Variants in PIK3CB observed in about 807,000 individuals in gnomAD.
The protein encoded by PIK3CB is phosphatidylinositol 4,5-bisphosphate 3-kinase catalytic subunit beta isoform.
Under a neutral mutation model 136.8 loss-of-function variants are expected in PIK3CB, and 39 were observed. That is an observed-to-expected ratio of 0.29 (90% confidence interval 0.22 to 0.37). The LOEUF (loss-of-function observed/expected upper bound fraction) is 0.37. Among genes scored for constraint, PIK3CB ranks in the 10% least tolerant of loss-of-function variants. The pLI is 1.00. For missense variants in PIK3CB, 868 were observed against 1,275.4 expected (o/e 0.68, Z 4.87); for synonymous variants, 428 against 436.6 (o/e 0.98, Z 0.25).
chr3:138,780,274 T>G (rs572513613), intron 2 of PIK3CB, among the ~76,000 whole-genome samples: 31 of 151,162 alleles, frequency 2.1e-4, no homozygotes, highest in Middle Eastern at 3.5e-3. Context: ...TGTTTTTTTG[T>G]TTTTTTTGTT....
intron 2 of PIK3CB, among the ~76,000 whole-genome samples, chr3:138,794,610 A>C (rs2046088562): frequency 6.6e-6 from 1 of 152,162 alleles, no homozygotes; most frequent in South Asian, 2.1e-4. Flanking sequence ...TTATATACTG[A>C]ATACATATTT....
Position 138,653,076 on chromosome 3 carries a change from C to T in PIK3CB, c.*2313G>A, listed in dbSNP as rs116767337. The T allele has an allele frequency of 5.6e-4, 108 of 192,054 alleles. No individual in the cohort carries two copies. The highest frequency in any genetic ancestry group is 2.2e-3 in the African/African-American group (94 of 43,164). 11.9% of individuals were successfully genotyped at this position (192,054 alleles called of 1,614,324 possible). ...AAACACAGAATACTATAAATCATTG[C>T]GGATATAAATGAAAGATAATCTAAA... On this transcript the variant is annotated 3_prime_UTR_variant, in exon 24 of 24. Transcript: ENST00000674063.
intron 2 of PIK3CB, among the ~76,000 whole-genome samples, chr3:138,791,424 T>A (rs971550396): frequency 1.3e-5 from 2 of 152,164 alleles, no homozygotes; most frequent in African/African-American, 4.8e-5. Context: ...CGTGAGCCAC[T>A]GCACCTGGCG....
At chr3:138,784,585 A>G (rs867327094) in intron 2 of PIK3CB, among the ~76,000 whole-genome samples, 1 of 152,050 alleles carries the variant, frequency 6.6e-6, no homozygotes, top group Non-Finnish European at 1.5e-5. Flanking sequence ...GCGCGCCGCC[A>G]CGCCTGACTG....
At chr3:138,830,477 C>T (rs1933977229) in intron 1 of PIK3CB, among the ~76,000 whole-genome samples, 1 of 152,064 alleles carries the variant, frequency 6.6e-6, no homozygotes, top group African/African-American at 2.4e-5. Context: ...TCCTTGAACC[C>T]GGGAGGCGGA....
intron 4 of PIK3CB, among the ~76,000 whole-genome samples, chr3:138,747,531 T>G (rs2108687333): frequency 6.6e-6 from 1 of 152,210 alleles, no homozygotes; most frequent in East Asian, 1.9e-4. Flanking sequence ...TTTATGCAGT[T>G]ATGATTTAAT....
intron 4 of PIK3CB, among the ~76,000 whole-genome samples, chr3:138,755,026 G>A (rs2045539885): frequency 6.6e-6 from 1 of 152,154 alleles, no homozygotes; most frequent in African/African-American, 2.4e-5. Flanking sequence ...TCTTGATTGT[G>A]TTACTCACAA....
chr3:138,678,044 G>A (rs1444735725), intron 19 of PIK3CB, among the ~76,000 whole-genome samples: 1 of 152,132 alleles, frequency 6.6e-6, no homozygotes, highest in East Asian at 1.9e-4. Context: ...AGACTGAGGT[G>A]GGAGGATCGC....
chr3:138,788,666 A>AG (rs2046010335), intron 2 of PIK3CB, among the ~76,000 whole-genome samples: 1 of 134,330 alleles, frequency 7.4e-6, no homozygotes, highest in Admixed American at 7.6e-5. Flanking sequence ...CAAAAAAAAA[A>AG]AAAAAAAAAA....
intron 21 of PIK3CB, among the ~76,000 whole-genome samples, chr3:138,661,640 G>A (rs938711207): frequency 2.0e-5 from 3 of 152,224 alleles, no homozygotes; most frequent in Admixed American, 1.3e-4. Flanking sequence ...GTATGGACAC[G>A]AGATTCCTCA....
At chr3:138,765,081 G>A (rs1228112256) in intron 2 of PIK3CB, among the ~76,000 whole-genome samples, 2 of 152,176 alleles carry the variant, frequency 1.3e-5, no homozygotes, top group African/African-American at 4.8e-5. Context: ...AATCCCACTA[G>A]CACTTTGGGA....
chr3:138,831,973 C>T (rs1200560515), intron 1 of PIK3CB, among the ~76,000 whole-genome samples: 1 of 152,112 alleles, frequency 6.6e-6, no homozygotes, highest in Non-Finnish European at 1.5e-5. Context: ...ATCCCCATAG[C>T]CCCAGCTGTT....
rs149394730 is a variant in PIK3CB, at chr3:138,729,010, G to C, written c.1050+4351C>G. Among the ~76,000 whole-genome samples the C allele has an allele frequency of 1.6e-4, 24 of 152,294 alleles. No homozygotes were observed. In the East Asian group the frequency reaches 4.6e-3, roughly 29 times the overall value. On this transcript the variant is annotated intron_variant, in intron 8 of 23. Transcript: ENST00000674063. ...AAATCAAGATGGCAGGCTGGGCATA[G>C]TAGCTCACATCTGTAATCCCAGCAT...
chr3:138,681,567 C>T (rs1377896943), intron 19 of PIK3CB, among the ~76,000 whole-genome samples: 2 of 152,154 alleles, frequency 1.3e-5, no homozygotes, highest in Non-Finnish European at 2.9e-5. Context: ...TGAGAATGCA[C>T]CTAAACATTT....
At chr3:138,747,703 CACTTA>C (rs2045389209) in intron 4 of PIK3CB, among the ~76,000 whole-genome samples, 1 of 152,092 alleles carries the variant, frequency 6.6e-6, no homozygotes, top group Admixed American at 6.6e-5. Flanking sequence ...GCATTAATGA[CACTTA>C]ACTTTTTAAT....
intron 11 of PIK3CB, among the ~76,000 whole-genome samples, chr3:138,705,920 CTT>C (rs2044370515): frequency 6.6e-6 from 1 of 152,052 alleles, no homozygotes; most frequent in Non-Finnish European, 1.5e-5. Context: ...ACCCAGCTAA[CTT>C]TTAAATTTTT....
At chr3:138,769,663 T>C (rs2045776831) in intron 2 of PIK3CB, among the ~76,000 whole-genome samples, 1 of 152,220 alleles carries the variant, frequency 6.6e-6, no homozygotes. Context: ...CATGCCACTT[T>C]TAAAAAATGA....
At chr3:138,799,059 T>C (rs2046140728) in intron 1 of PIK3CB, among the ~76,000 whole-genome samples, 1 of 151,740 alleles carries the variant, frequency 6.6e-6, no homozygotes, top group Admixed American at 6.6e-5. Context: ...CAATCTCTAC[T>C]AAAAATACAA....
intron 1 of PIK3CB, among the ~76,000 whole-genome samples, chr3:138,809,816 T>C (rs1290749232): frequency 6.6e-6 from 1 of 152,100 alleles, no homozygotes; most frequent in Non-Finnish European, 1.5e-5. Context: ...CCTTGTTCTA[T>C]CAGCTGAGAG....
Sources: allele counts gnomAD v4.1 joint callset (sites outside exome capture counted in the v4.1 genomes callset), GRCh38; gene constraint gnomAD v4.1.1; transcripts MANE v1.5; gene names NCBI Gene and HGNC (gene_info 2026-07-23, HGNC 2026-07-21).